Variants in FARSB observed in about 807,000 individuals in gnomAD.
FARSB encodes the protein phenylalanyl-tRNA synthetase subunit beta, also known as phenylalanine--tRNA ligase beta subunit.
Under a neutral mutation model 69.6 loss-of-function variants are expected in FARSB, and 40 were observed. The ratio of observed to expected loss-of-function variants is 0.57; its 90% CI spans 0.45 to 0.75. The LOEUF (loss-of-function observed/expected upper bound fraction) is 0.75, where lower values mean the gene tolerates loss of function less well. FARSB is among the 30% of genes least tolerant of loss of function. FARSB has a pLI of 0.00. For synonymous variants in FARSB, 235 were observed against 247.2 expected (o/e 0.95, Z 0.46); for missense variants, 632 against 722.9 (o/e 0.87, Z 1.44).
chr2:222,650,767 G>T (rs1187967193), intron 1 of FARSB, among the ~76,000 whole-genome samples: 4 of 152,170 alleles, frequency 2.6e-5, no homozygotes, highest in Non-Finnish European at 5.9e-5. Flanking sequence ...GCCTTGAAAT[G>T]ACAGCAACCC....
chr2:222,641,645 TTC>T (rs1691722250), intron 3 of FARSB, among the ~76,000 whole-genome samples: 1 of 152,212 alleles, frequency 6.6e-6, no homozygotes, highest in Non-Finnish European at 1.5e-5. Context: ...GCTTTCCTAA[TTC>T]TGTCTGATCA....
At chr2:222,633,683 A>AG (rs1491243676) in intron 6 of FARSB, among the ~76,000 whole-genome samples, 1 of 9,558 alleles carries the variant, frequency 1.0e-4, no homozygotes, top group Non-Finnish European at 3.3e-4. Context: ...ACTCCGTCTC[A>AG]AAAAAAAAAA....
In FARSB at chr2:222,634,473, G is replaced by C; in HGVS notation, c.524C>G (p.Ala175Gly). The change falls in exon 6 of 17, where the codon GCA (alanine) becomes GGA (glycine). Residue 175 changes from alanine (A) to glycine (G), a missense_variant. Ala to Gly is a moderately conservative substitution (Grantham distance 60, BLOSUM62 0). Coordinates refer to ENST00000281828, the MANE Select transcript of FARSB (RefSeq NM_005687.5). The part of the protein sequence containing the change: ...DTLSGPFTYT[A>G]KRPSDIKFKP... ...GAATTTGATATCTGAAGGACGCTTTGCAGTATAAGTAAATGGGCCCGACAA... is the reference window on the plus strand; with the variant it reads ...GAATTTGATATCTGAAGGACGCTTTCCAGTATAAGTAAATGGGCCCGACAA... 6.2e-7 allele frequency: 1 copy of C among 1,612,374 alleles called. No homozygotes were observed. Among genetic ancestry groups the C allele is most frequent in the Non-Finnish European group, 8.5e-7 (1 of 1,178,600 alleles).
intron 3 of FARSB, among the ~76,000 whole-genome samples, chr2:222,642,003 C>CT (rs5838958): frequency 3.1e-5 from 4 of 128,768 alleles, no homozygotes; most frequent in African/African-American, 8.5e-5. Context: ...TATCCTCTAT[C>CT]TTTTTTTTTT....
chr2:222,583,446 C>T (rs1002238812), intron 16 of FARSB, among the ~76,000 whole-genome samples: 2 of 152,198 alleles, frequency 1.3e-5, no homozygotes, highest in Non-Finnish European at 2.9e-5. Flanking sequence ...GGGAAGTTAG[C>T]ATTACTTCTC....
chr2:222,615,088 TG>T lies in FARSB; in HGVS notation c.1345-1161del, dbSNP rs777464261. On this transcript the variant is annotated intron_variant, in intron 14 of 16. Coordinates refer to ENST00000281828, the MANE Select transcript of FARSB (RefSeq NM_005687.5). ...TCCTATTCCTAAGAAATGCATACCC[TG>T]GTACATTAAAAAAAAGCAAAAATTT... 2.0e-5 allele frequency among the ~76,000 whole-genome samples: 3 copies of T among 152,260 alleles called. No individual in the cohort carries two copies. In the Middle Eastern group the frequency reaches 0.01, roughly 518 times the overall value.
chr2:222,599,798 A>G, intron 16 of FARSB, 130 bp downstream of exon 16: 3 of 712,842 alleles, frequency 4.2e-6, no homozygotes, highest in Non-Finnish European at 6.9e-6. Flanking sequence ...GATAATATTG[A>G]CAATTAATTG....
rs149134385 is a variant in FARSB, at chr2:222,648,768, A to T, written c.86T>A (p.Phe29Tyr). The change falls in exon 2 of 17, where the codon TTT (phenylalanine) becomes TAT (tyrosine). Residue 29 changes from phenylalanine to tyrosine, a missense_variant. Phe to Tyr is a conservative substitution (Grantham distance 22, BLOSUM62 3). Transcript: ENST00000281828. ...TTCATCAAGCTCCAGACCAAATTCA[A>T]AACATAGTTCATCAAATTCTTCGTC... Reference protein sequence around the residue: ...YTDEEFDELCFEFGLELDEIT... With the variant: ...YTDEEFDELCYEFGLELDEIT... The T allele has an allele frequency of 3.5e-5, 56 of 1,604,102 alleles. No homozygotes were observed. Among genetic ancestry groups the T allele is most frequent in the Non-Finnish European group, 4.6e-5 (54 of 1,170,930 alleles).
intron 3 of FARSB, among the ~76,000 whole-genome samples, chr2:222,641,668 A>G (rs979246542): frequency 1.3e-5 from 2 of 152,214 alleles, no homozygotes; most frequent in Non-Finnish European, 1.5e-5. Context: ...TAAAAATCAC[A>G]AGGTGACTGG....
intron 14 of FARSB, among the ~76,000 whole-genome samples, chr2:222,614,645 G>C (rs936846213): frequency 5.3e-5 from 8 of 152,170 alleles, no homozygotes; most frequent in African/African-American, 1.4e-4. Context: ...AGTAGTTCAA[G>C]ACCAGCACGG....
At chr2:222,641,129 C>T (rs1691710008) in intron 3 of FARSB, among the ~76,000 whole-genome samples, 198 bp from the exon 4 acceptor site, 2 of 151,198 alleles carry the variant, frequency 1.3e-5, no homozygotes, top group African/African-American at 4.9e-5. Flanking sequence ...TTAAAGTTGT[C>T]CAAAAATGAC....
At chr2:222,589,148 C>T (rs532602806) in intron 16 of FARSB, among the ~76,000 whole-genome samples, 22 of 152,194 alleles carry the variant, frequency 1.4e-4, no homozygotes, top group Non-Finnish European at 1.3e-4. Flanking sequence ...CAGCATGGTA[C>T]TGTTACCAAA....
chr2:222,631,807 G>A, intron 7 of FARSB, 133 bp from the exon 8 acceptor site: 1 of 636,770 alleles, frequency 1.6e-6, no homozygotes. Flanking sequence ...GCCAGGGATG[G>A]TGGCTCACAC....
At chr2:222,612,172 C>G (rs1690872837) in intron 15 of FARSB, among the ~76,000 whole-genome samples, 1 of 152,158 alleles carries the variant, frequency 6.6e-6, no homozygotes, top group South Asian at 2.1e-4. Flanking sequence ...CAAGAACACT[C>G]AAAACTATTT....
intron 16 of FARSB, among the ~76,000 whole-genome samples, chr2:222,582,805 A>C (rs1201490476): frequency 2.0e-5 from 3 of 151,828 alleles, no homozygotes; most frequent in African/African-American, 7.3e-5. Flanking sequence ...GGCACCTGTA[A>C]TCCCAGCTAC....
At chr2:222,598,855 A>G (rs1165181161) in intron 16 of FARSB, among the ~76,000 whole-genome samples, 1 of 152,060 alleles carries the variant, frequency 6.6e-6, no homozygotes, top group African/African-American at 2.4e-5. Flanking sequence ...CTAGAACTCC[A>G]CAAGCATAAC....
intron 15 of FARSB, among the ~76,000 whole-genome samples, chr2:222,611,215 A>T (rs1273678311): frequency 6.6e-6 from 1 of 152,214 alleles, no homozygotes; most frequent in African/African-American, 2.4e-5. Context: ...GAATGGTACA[A>T]GACAACAGGC....
rs1211326873 is a variant in FARSB, at chr2:222,567,833, TA to T, written c.*4037del. ...CCTAAGCCAGTGCTATTTAGCAGGA[TA>T]GGGGGTTCATTGGAGCAGTGTTTAT... On this transcript the variant is annotated 3_prime_UTR_variant, in exon 17 of 17. Coordinates refer to ENST00000281828, the MANE Select transcript of FARSB (RefSeq NM_005687.5). The T allele has an allele frequency of 6.6e-6, 1 of 152,172 alleles. No homozygotes were observed. Among genetic ancestry groups the T allele is most frequent in the Non-Finnish European group, 1.5e-5 (1 of 68,030 alleles). 9.4% of individuals were successfully genotyped at this position (152,172 alleles called of 1,614,324 possible). A position where few individuals can be genotyped will look rare whatever the true frequency, so the allele number is the denominator to read the frequency against.
chr2:222,648,316 A>G (rs1445698259), intron 2 of FARSB, among the ~76,000 whole-genome samples: 1 of 152,184 alleles, frequency 6.6e-6, no homozygotes, highest in Non-Finnish European at 1.5e-5. Flanking sequence ...GTACTGGTTG[A>G]AGAGGCACGG....
Sources: allele counts gnomAD v4.1 joint callset (sites outside exome capture counted in the v4.1 genomes callset), GRCh38; gene constraint gnomAD v4.1.1; transcripts MANE v1.5; gene names NCBI Gene and HGNC (gene_info 2026-07-23, HGNC 2026-07-21).